The following SMURF1 variants were observed in gnomAD, a reference collection of about 807,000 sequenced individuals.
SMURF1 encodes SMAD specific E3 ubiquitin protein ligase 1.
Under a neutral mutation model 98.0 loss-of-function variants are expected in SMURF1, and 44 were observed. The observed-to-expected ratio is 0.45, with a 90% confidence interval of 0.35 to 0.58. SMURF1 has a LOEUF of 0.58. SMURF1 is among the 20% of genes least tolerant of loss of function. SMURF1 has a pLI of 0.00. For missense variants in SMURF1, 687 were observed against 938.4 expected, an observed-to-expected ratio of 0.73 and a Z score of 3.50; for synonymous variants, 396 against 374.9, an observed-to-expected ratio of 1.06 and a Z score of -0.65.
At chr7:99,123,389 C>T (rs757281694) in intron 1 of SMURF1, among the ~76,000 whole-genome samples, 11 of 151,944 alleles carry the variant, frequency 7.2e-5, no homozygotes, top group Non-Finnish European at 1.0e-4. Context: ...AACAATTAGC[C>T]GGGCATGGTA....
chr7:99,139,788 G>A (rs923442369), intron 1 of SMURF1, among the ~76,000 whole-genome samples: 1 of 152,134 alleles, frequency 6.6e-6, no homozygotes, highest in African/African-American at 2.4e-5. Context: ...TCGTTAAAAT[G>A]TTATTATTTT....
intron 1 of SMURF1, among the ~76,000 whole-genome samples, chr7:99,140,318 ACT>A (rs1798089378): frequency 8.8e-6 from 1 of 114,146 alleles, no homozygotes; most frequent in Non-Finnish European, 1.7e-5. Context: ...ACAGAGTCTC[ACT>A]CTGTTGCCCA....
intron 1 of SMURF1, among the ~76,000 whole-genome samples, chr7:99,133,306 G>A (rs1211318237): frequency 2.6e-5 from 4 of 151,948 alleles, no homozygotes; most frequent in African/African-American, 9.7e-5. Context: ...TAAAATTGGG[G>A]GAGGCTGAGT....
chr7:99,135,706 T>G (rs375795014), intron 1 of SMURF1, among the ~76,000 whole-genome samples: 1 of 152,266 alleles, frequency 6.6e-6, no homozygotes, highest in Non-Finnish European at 1.5e-5. Flanking sequence ...GCAATGATTT[T>G]ACACACCGGA....
chr7:99,045,681 A>G lies in SMURF1; in HGVS notation c.1256+17T>C, dbSNP rs747670026. The G allele has an allele frequency of 1.7e-5, 27 of 1,593,164 alleles. No individual in the cohort carries two copies. The highest frequency in any genetic ancestry group is 2.1e-5 in the Non-Finnish European group (24 of 1,160,860). On this transcript the variant is annotated intron_variant, in intron 11 of 17. Coordinates refer to ENST00000361368, the MANE Select transcript of SMURF1 (RefSeq NM_181349.3). ...GAGATCCACACAGCAGAGAAGGTGA[A>G]TGAACAAGCAGCTCACCTGGCCACA...
chr7:99,071,893 A>T (rs1796332574), intron 1 of SMURF1, among the ~76,000 whole-genome samples: 1 of 151,824 alleles, frequency 6.6e-6, no homozygotes. Flanking sequence ...TGAGCAACGT[A>T]ACAAGACACT....
chr7:99,143,418 G>T (rs1223882446), intron 1 of SMURF1, among the ~76,000 whole-genome samples: 30 of 140,684 alleles, frequency 2.1e-4, no homozygotes, highest in African/African-American at 6.6e-4. Context: ...CAGGGAAGGA[G>T]ATGCAAGGGG....
intron 1 of SMURF1, among the ~76,000 whole-genome samples, chr7:99,134,256 C>T (rs990815705): frequency 1.3e-5 from 2 of 151,698 alleles, no homozygotes; most frequent in African/African-American, 4.8e-5. Context: ...AATCTGTGAA[C>T]AATTTCCTGG....
chr7:99,101,585 T>C lies in SMURF1; in HGVS notation c.56-39748A>G, dbSNP rs552864494. Among the ~76,000 whole-genome samples, 18 of 152,336 alleles carry C rather than the reference T, an allele frequency of 1.2e-4. No homozygotes were observed. In the South Asian group the frequency reaches 1.7e-3, roughly 14 times the overall value. ...CCAATGTGTAATCACTTTTCGTAAA[T>C]GGAGGTGGGAATTCCACATCTAAAG... is the stretch of plus-strand genomic sequence containing the variant. On this transcript the variant is annotated intron_variant, in intron 1 of 17. Coordinates refer to ENST00000361368, the MANE Select transcript of SMURF1 (RefSeq NM_181349.3).
intron 16 of SMURF1, 69 bp downstream of exon 16, chr7:99,035,446 C>T: frequency 1.9e-6 from 3 of 1,565,202 alleles, no homozygotes; most frequent in Non-Finnish European, 2.6e-6. Context: ...TCCCAGCCAC[C>T]TTCCAGCTCT....
In SMURF1 at chr7:99,030,370, G is replaced by A; in HGVS notation, c.*214C>T. ...TTTTATTGGATGGGTGATGGAAGTG[G>A]GTGGGAGTACTATGGTAAAGGAGGG... On this transcript the variant is annotated 3_prime_UTR_variant, in exon 18 of 18. Transcript: ENST00000361368. 5.4e-6 allele frequency: 3 copies of A among 555,652 alleles called. No individual in the cohort carries two copies. In the South Asian group the frequency reaches 6.2e-5, roughly 12 times the overall value. 34.4% of individuals were successfully genotyped at this position (555,652 alleles called of 1,614,324 possible). A position where few individuals can be genotyped will look rare whatever the true frequency, so the allele number is the denominator to read the frequency against.
chr7:99,036,477 CAA>C (rs11341707), intron 15 of SMURF1: 61 of 73,942 alleles, frequency 8.2e-4, no homozygotes, highest in African/African-American at 1.1e-3. Context: ...GACCGTGTCT[CAA>C]AAAAAAAAAA....
At chr7:99,117,093 G>A (rs1797474476) in intron 1 of SMURF1, among the ~76,000 whole-genome samples, 2 of 151,718 alleles carry the variant, frequency 1.3e-5, no homozygotes, top group Non-Finnish European at 2.9e-5. Context: ...CCATTCAATG[G>A]GGGAAAAGTC....
chr7:99,040,608 T>C, intron 12 of SMURF1, 52 bp from the exon 13 acceptor site: 3 of 1,362,968 alleles, frequency 2.2e-6, no homozygotes, highest in Non-Finnish European at 2.9e-6. Context: ...CCGGCCAATG[T>C]GGGAATCTCG....
At chr7:99,142,115 G>T (rs1436476462) in intron 1 of SMURF1, among the ~76,000 whole-genome samples, 3 of 152,226 alleles carry the variant, frequency 2.0e-5, no homozygotes, top group African/African-American at 4.8e-5. Context: ...AGCCCGGGGG[G>T]AAACAGGTTG....
chr7:99,062,734 G>T (rs1796060801), intron 1 of SMURF1, among the ~76,000 whole-genome samples: 1 of 152,008 alleles, frequency 6.6e-6, no homozygotes, highest in Non-Finnish European at 1.5e-5. Context: ...TCTAATCCCA[G>T]CTACTCCAGA....
At chr7:99,046,027 A>C (rs1236509469) in intron 10 of SMURF1, among the ~76,000 whole-genome samples, 1 of 152,044 alleles carries the variant, frequency 6.6e-6, no homozygotes, top group African/African-American at 2.4e-5. Context: ...AGGAAACACT[A>C]ACCTTCAGGG....
chr7:99,116,078 GAT>G (rs1387911416), intron 1 of SMURF1, among the ~76,000 whole-genome samples: 1 of 152,048 alleles, frequency 6.6e-6, no homozygotes, highest in Admixed American at 6.5e-5. Flanking sequence ...ATATTAAAAG[GAT>G]TATACACCAT....
At chr7:99,118,968 G>A (rs1288596502) in intron 1 of SMURF1, among the ~76,000 whole-genome samples, 11 of 135,936 alleles carry the variant, frequency 8.1e-5, no homozygotes, top group African/African-American at 3.1e-4. Context: ...TCAAGCGATC[G>A]TCCCATCTCA....
Sources: allele counts gnomAD v4.1 joint callset (sites outside exome capture counted in the v4.1 genomes callset), GRCh38; gene constraint gnomAD v4.1.1; transcripts MANE v1.5; gene names NCBI Gene and HGNC (gene_info 2026-07-23, HGNC 2026-07-21).